Variants in TTN observed in about 807,000 individuals in gnomAD.
TTN encodes the protein connectin.
In TTN, 1,525 loss-of-function variants were observed where a neutral mutation model predicts 3,223.0. The observed-to-expected ratio is 0.47, with a 90% CI of 0.45 to 0.49. The LOEUF (loss-of-function observed/expected upper bound fraction) is 0.49, where lower values mean the gene tolerates loss of function less well. Ranked by LOEUF, TTN falls within the 20% of genes least tolerant of loss-of-function variation. The pLI is 0.00. For synonymous variants in TTN, 14,094 were observed against 15,161.0 expected (o/e 0.93, Z 5.17); for missense variants, 40,786 against 43,424.0 (o/e 0.94, Z 5.40).
chr2:178,573,301 A>G lies in TTN; in HGVS notation c.72831T>C (p.Leu24277=). ...QRWIKCNKKT[L]TDLRYKVSGL... ...CAGACACTTTATATCTTAAATCAGT[A>G]AGAGTTTTTTTGTTGCATTTAATCC... is the stretch of plus-strand genomic sequence containing the variant. Residue 24277 remains leucine, a synonymous_variant, in exon 326 of 363, where the codon CTT becomes CTC. Transcript: ENST00000589042. 1 of 1,582,374 alleles carries G rather than the reference A, an allele frequency of 6.3e-7. No homozygotes were observed.
chr2:178,667,285 C>T lies in TTN; in HGVS notation c.35748G>A (p.Val11916=), dbSNP rs2066128920. Residue 11916 remains valine (V), a synonymous_variant, in exon 162 of 363, where the codon GTG becomes GTA. Transcript: ENST00000589042. ...TTTCAGGAATAGCCTCAGGTGGCTC[C>T]ACCTCTGGAAAAATGCCTCTGGTTG... ...PDTTRGIFPE[V]EPPEAIPEIP... 6.2e-7 allele frequency: 1 copy of T among 1,605,446 alleles called. No individual in the cohort carries two copies. The highest frequency in any genetic ancestry group is 1.7e-5 in the Admixed American group (1 of 59,322).
chr2:178,713,172 G>T lies in TTN; in HGVS notation c.26962C>A (p.Leu8988Met), dbSNP rs2076915849. ...TAGTCACCACTGTCTGATTCTTCCA[G>T]CATGTTCACAGTTAAAGCACAAGTA... ...DNTCALTVNM[L>M]EESDSGDYTC... The change falls in exon 93 of 363, where the codon CTG (leucine) becomes ATG (methionine). Residue 8988 changes from leucine (L) to methionine (M), a missense_variant. Leu to Met is a conservative substitution (Grantham distance 15). Transcript: ENST00000589042. 6.2e-7 allele frequency: 1 copy of T among 1,613,586 alleles called. No homozygotes were observed. The highest frequency in any genetic ancestry group is 8.5e-7 in the Non-Finnish European group (1 of 1,179,766).
chr2:178,631,957 A>C (rs1052307808), intron 236 of TTN, among the ~76,000 whole-genome samples, 190 bp downstream of exon 236: 1 of 152,092 alleles, frequency 6.6e-6, no homozygotes, highest in Non-Finnish European at 1.5e-5. Context: ...GTAAGCTAGA[A>C]TCTTCATTAA....
rs1332868582 is a variant in TTN at position 178,800,574 on chromosome 2, A to T, written c.404T>A (p.Val135Glu). 3 of 1,613,990 alleles carry T rather than the reference A, an allele frequency of 1.9e-6. No individual in the cohort carries two copies. The highest frequency in any genetic ancestry group is 1.7e-6 in the Non-Finnish European group (2 of 1,180,022). Residue 135 changes from valine to glutamate, a missense_variant, in exon 4 of 363, where the codon GTG becomes GAG. By Grantham distance (121) the Val-to-Glu change is moderately radical. Coordinates refer to ENST00000589042, the MANE Select transcript of TTN (RefSeq NM_001267550.2). ...VRVTGIPTPV[V>E]KFYRDGAEIQ... The stretch of plus-strand genomic sequence containing the variant: ...TTCGGCTCCATCCCGGTAGAACTTC[A>T]CCACAGGTGTAGGGATTCCAGTCAC...
chr2:178,634,244 G>A lies in TTN; in HGVS notation c.42415+122C>T. On this transcript the variant is annotated intron_variant, in intron 230 of 362. Coordinates refer to ENST00000589042, the MANE Select transcript of TTN (RefSeq NM_001267550.2). This position sits in a 1 kb window ranked among gnomAD's most constrained non-coding sequence, Gnocchi z 4.6. Reference sequence around the variant, plus strand: ...AAACAAATTAAGGGGGGTTGTTTTGGTAACACTGTGAAAGTTAATTAGTGA... The same window carrying A: ...AAACAAATTAAGGGGGGTTGTTTTGATAACACTGTGAAAGTTAATTAGTGA... 1 of 1,484,344 alleles carries A rather than the reference G, an allele frequency of 6.7e-7. No individual in the cohort carries two copies. The highest frequency in any genetic ancestry group is 1.3e-5 in the South Asian group (1 of 75,368). 91.9% of individuals were successfully genotyped at this position (1,484,344 alleles called of 1,614,324 possible).
intron 69 of TTN, chr2:178,726,304 A>G: frequency 6.1e-6 from 2 of 325,630 alleles, no homozygotes; most frequent in Middle Eastern, 8.2e-4. Context: ...CACCTTACTG[A>G]TGTATCTTAG....
chr2:178,787,468 T>C (rs2093259769), intron 13 of TTN, among the ~76,000 whole-genome samples: 1 of 152,180 alleles, frequency 6.6e-6, no homozygotes, highest in Non-Finnish European at 1.5e-5. Flanking sequence ...TTTAATTGTA[T>C]AGACATTTTA....
rs1383990376 is a variant in TTN at position 178,773,922 on chromosome 2, C to T, written c.7246G>A (p.Asp2416Asn). ...DKQSHMLLIE[D>N]MTKEDAGNYS... is the part of the protein sequence containing the mutation. ...TTTCCAGCATCTTCCTTAGTCATGT[C>T]TTCAATGAGCAGCATATGAGATTGT... The change falls in exon 31 of 363, where the codon GAC becomes AAC. Residue 2416 changes from aspartate (D) to asparagine (N), a missense_variant. Asp to Asn is a conservative substitution (Grantham distance 23). Transcript: ENST00000589042. 1.9e-6 allele frequency: 3 copies of T among 1,614,004 alleles called. No individual in the cohort carries two copies. The East Asian group carries it at 6.7e-5, about 36-fold the overall frequency.
At position 178,613,938 on chromosome 2, in the gene TTN, C is replaced by T. The variant is rs869312070; in HGVS notation, c.49346-1G>A. The T allele has an allele frequency of 2.1e-5, 33 of 1,607,402 alleles. No individual in the cohort carries two copies. The highest frequency in any genetic ancestry group is 2.8e-5 in the Non-Finnish European group (33 of 1,177,070). On this transcript the variant is annotated splice_acceptor_variant, in intron 262 of 362. Coordinates refer to ENST00000589042, the MANE Select transcript of TTN (RefSeq NM_001267550.2). LOFTEE classifies it high-confidence loss of function. ...AGGCGAGTTGGAGGACCAGGTGGAT[C>T]TATAGACAGGATAATGGTGTAAAAT... is the stretch of plus-strand genomic sequence containing the variant.
rs1306121866 is a variant in TTN, at chr2:178,665,539, T to C, written c.35960-79A>G. The C allele has an allele frequency of 5.5e-6, 8 of 1,465,676 alleles. No individual in the cohort carries two copies. In the African/African-American group the frequency reaches 1.1e-4, roughly 21 times the overall value. The allele number at this position is 1,465,676 out of a possible 1,614,324, so 90.8% of individuals were successfully genotyped here. A position where few individuals can be genotyped will look rare whatever the true frequency, so the allele number is the denominator to read the frequency against. On this transcript the variant is annotated intron_variant, in intron 164 of 362. Transcript: ENST00000589042. ...AATTAAATGAGCTGAACCAAAGTGA[T>C]ATTTATGGCTAAAAAGATGATTCCT...
Position 178,729,369 on chromosome 2 carries a change from G to C in TTN, c.18787C>G (p.Pro6263Ala), listed in dbSNP as rs753985729. The C allele has an allele frequency of 6.2e-7, 1 of 1,613,524 alleles. No homozygotes were observed. The highest frequency in any genetic ancestry group is 8.5e-7 in the Non-Finnish European group (1 of 1,179,638). Residue 6263 changes from proline to alanine, a missense_variant, in exon 64 of 363, where the codon CCT (proline) becomes GCT (alanine). Transcript: ENST00000589042. Reference protein sequence around the residue: ...VFNLHITKCDPSDTGEYQCIV... With the variant: ...VFNLHITKCDASDTGEYQCIV... ...CACTGGTATTCCCCAGTGTCTGAAGGGTCACACTTGGTTATATGGAGGTTA... is the reference window on the plus strand; with the variant it reads ...CACTGGTATTCCCCAGTGTCTGAAGCGTCACACTTGGTTATATGGAGGTTA...
Position 178,618,099 on chromosome 2 carries a change from AG to A in TTN, c.47270-19del. On this transcript the variant is annotated intron_variant, in intron 252 of 362. Transcript: ENST00000589042. ...TGGAACATCTGGATTTCACCACAGAAGAAGAAAATATGAGTTTGGGGTAACG... is the reference window on the plus strand; with the variant it reads ...TGGAACATCTGGATTTCACCACAGAAAAGAAAATATGAGTTTGGGGTAACG... 6.2e-7 allele frequency: 1 copy of A among 1,611,284 alleles called. No individual in the cohort carries two copies. The highest frequency in any genetic ancestry group is 1.1e-5 in the South Asian group (1 of 90,792).
intron 119 of TTN, among the ~76,000 whole-genome samples, chr2:178,693,354 T>G (rs1003150480): frequency 2.0e-5 from 3 of 152,102 alleles, no homozygotes; most frequent in Non-Finnish European, 2.9e-5. Flanking sequence ...TCCAGGACAC[T>G]GTATTTCCAA....
chr2:178,770,002 CAAAT>C, intron 36 of TTN, 54 bp downstream of exon 36: 1 of 1,614,056 alleles, frequency 6.2e-7, no homozygotes, highest in South Asian at 1.1e-5. Context: ...TGAAACCAAA[CAAAT>C]AGATACATGG....
chr2:178,646,204 G>T (rs2061979095), intron 216 of TTN, among the ~76,000 whole-genome samples, 174 bp from the exon 217 acceptor site: 1 of 128,596 alleles, frequency 7.8e-6, no homozygotes, highest in African/African-American at 2.9e-5. Flanking sequence ...ATAAAACACA[G>T]AACATAAAAC....
chr2:178,675,808 G>T, intron 148 of TTN, 54 bp from the exon 149 acceptor site: 2 of 1,525,188 alleles, frequency 1.3e-6, no homozygotes, highest in Non-Finnish European at 1.8e-6. Flanking sequence ...ACAAAGACAA[G>T]TAGACACAGC....
Position 178,632,391 on chromosome 2 carries a change from G to C in TTN, c.43503C>G (p.Thr14501=). 6.3e-7 allele frequency: 1 copy of C among 1,592,530 alleles called. No homozygotes were observed. Among genetic ancestry groups the C allele is most frequent in the Non-Finnish European group, 8.5e-7 (1 of 1,170,824 alleles). ...CTTTGGCAGTTACATCTTTGAGAGG[G>C]GTGAGGAATTTGAGCCGGATTCCTA... ...IIEGIRLKFL[T]PLKDVTAKEK... is the part of the protein sequence containing the mutation. The change falls in exon 236 of 363, where the codon ACC becomes ACG. Residue 14501 remains threonine, a synonymous_variant. Coordinates refer to ENST00000589042, the MANE Select transcript of TTN (RefSeq NM_001267550.2).
Position 178,531,979 on chromosome 2 carries a change from G to A in TTN, c.104636C>T (p.Pro34879Leu). The A allele has an allele frequency of 6.2e-7, 1 of 1,613,744 alleles. No homozygotes were observed. Among genetic ancestry groups the A allele is most frequent in the South Asian group, 1.1e-5 (1 of 91,048 alleles). Reference sequence around the variant, plus strand: ...GGGGGATCGTGGGCGAGTTCTCTCTGGAGTAGGTGACCTTCTTTCTGTGTC... The same window carrying A: ...GGGGGATCGTGGGCGAGTTCTCTCTAGAGTAGGTGACCTTCTTTCTGTGTC... The part of the protein sequence containing the change: ...EDDTERRSPT[P>L]ERTRPRSPSP... Residue 34879 changes from proline (P) to leucine (L), a missense_variant, in exon 358 of 363, where the codon CCA becomes CTA. Pro to Leu is a moderately conservative substitution (Grantham distance 98, BLOSUM62 -3). Coordinates refer to ENST00000589042, the MANE Select transcript of TTN (RefSeq NM_001267550.2).
chr2:178,558,034 C>T lies in TTN; in HGVS notation c.87320G>A (p.Ser29107Asn). The T allele has an allele frequency of 1.2e-6, 2 of 1,613,948 alleles. No homozygotes were observed. Among genetic ancestry groups the T allele is most frequent in the South Asian group, 1.1e-5 (1 of 91,078 alleles). ...ATATCTCCCAGCGTCAGCTGTAACA[C>T]TTTCTTTGAGATTGATGGTCAGGTT... ...AENLTINLKE[S>N]VTADAGRYEI... Residue 29107 changes from serine (S) to asparagine (N), a missense_variant, in exon 328 of 363, where the codon AGT becomes AAT. Coordinates refer to ENST00000589042, the MANE Select transcript of TTN (RefSeq NM_001267550.2).
Sources: gnomAD v4.1 joint callset for allele counts (sites outside exome capture counted in the v4.1 genomes callset) on GRCh38, gnomAD v4.1.1 for gene constraint, Gnocchi (gnomAD v3.1) non-coding constraint, MANE v1.5 for transcripts, NCBI Gene and HGNC (gene_info 2026-07-23, HGNC 2026-07-21) for gene names.